Variants in UGT2A1 observed in about 807,000 individuals in gnomAD.
UGT2A1 encodes the protein UDP glucuronosyltransferase family 2 member A1 complex locus.
A neutral mutation model predicts 45.4 loss-of-function variants in UGT2A1; 61 were observed. That is an observed-to-expected ratio of 1.34 (90% CI 1.09 to 1.66). The LOEUF (loss-of-function observed/expected upper bound fraction) is 1.66, where lower values mean the gene tolerates loss of function less well. Among genes scored for constraint, UGT2A1 ranks in the 40% most tolerant of loss-of-function variants. UGT2A1 has a pLI of 0.00. For synonymous variants in UGT2A1, 229 were observed against 196.2 expected (o/e 1.17, Z -1.40); for missense variants, 649 against 574.3 (o/e 1.13, Z -1.33).
At chr4:69,629,818 C>T (rs1161112208) in intron 3 of UGT2A1, among the ~76,000 whole-genome samples, 1 of 152,018 alleles carries the variant, frequency 6.6e-6, no homozygotes, top group African/African-American at 2.4e-5. Flanking sequence ...AACCATGAGC[C>T]TAGCAGCTTC....
intron 3 of UGT2A1, among the ~76,000 whole-genome samples, chr4:69,629,560 G>A (rs969525774): frequency 2.6e-5 from 4 of 152,044 alleles, no homozygotes; most frequent in African/African-American, 9.7e-5. Context: ...AGTCAAACAG[G>A]CTCTAGACAT....
chr4:69,594,829 T>A, intron 5 of UGT2A1, 133 bp from the exon 6 acceptor site: 1 of 1,147,086 alleles, frequency 8.7e-7, no homozygotes, highest in Non-Finnish European at 1.2e-6. Context: ...GCAGATCACA[T>A]AGGGCATTGG....
chr4:69,612,009 C>T (rs964354269), intron 3 of UGT2A1, among the ~76,000 whole-genome samples: 1 of 151,974 alleles, frequency 6.6e-6, no homozygotes, highest in African/African-American at 2.4e-5. Context: ...TATATTCTCT[C>T]AGAATTAACA....
chr4:69,631,843 T>C (rs1721406671), intron 3 of UGT2A1, among the ~76,000 whole-genome samples: 1 of 152,156 alleles, frequency 6.6e-6, no homozygotes, highest in South Asian at 2.1e-4. Flanking sequence ...CAAAGATTGG[T>C]TGAATTCAAT....
At chr4:69,649,941 G>A (rs1019903988) in intron 1 of UGT2A1, among the ~76,000 whole-genome samples, 21 of 152,056 alleles carry the variant, frequency 1.4e-4, no homozygotes, top group African/African-American at 5.1e-4. Flanking sequence ...GGGAGTGGGT[G>A]GAGTTGTGAG....
Position 69,595,174 on chromosome 4 carries a change from T to G in UGT2A1, c.1072A>C (p.Asn358His). The stretch of plus-strand genomic sequence containing the variant: ...CCCACAGTCTTACCAAGAAGATCAT[T>G]CTGGGGTATCCAATCAAAGAGCTGA... ...NTQLFDWIPQNDLLGHPKTKA... is the reference protein window; with the variant it reads ...NTQLFDWIPQHDLLGHPKTKA... The change falls in exon 5 of 7, where the codon AAT becomes CAT. Residue 358 changes from asparagine to histidine, a missense_variant. Coordinates refer to ENST00000286604, the MANE Select transcript of UGT2A1 (RefSeq NM_001252275.3). The G allele has an allele frequency of 1.2e-6, 2 of 1,613,862 alleles. No individual in the cohort carries two copies. Among genetic ancestry groups the G allele is most frequent in the African/African-American group, 1.3e-5 (1 of 75,046 alleles).
At chr4:69,624,036 C>A (rs1560484938) in intron 3 of UGT2A1, among the ~76,000 whole-genome samples, 1 of 151,520 alleles carries the variant, frequency 6.6e-6, no homozygotes, top group Non-Finnish European at 1.5e-5. Flanking sequence ...GTTATTTCCT[C>A]ATTTATTTTC....
At chr4:69,591,664 C>A (rs956978308) in intron 6 of UGT2A1, among the ~76,000 whole-genome samples, 2 of 152,070 alleles carry the variant, frequency 1.3e-5, no homozygotes, top group Admixed American at 1.3e-4. Flanking sequence ...CTTCCTCTGG[C>A]TGAGGAGGAA....
Position 69,588,922 on chromosome 4 carries a change from C to T in UGT2A1, c.*450G>A, listed in dbSNP as rs536699946. 1 of 153,750 alleles carries T rather than the reference C, an allele frequency of 6.5e-6. No individual in the cohort carries two copies. The highest frequency in any genetic ancestry group is 1.9e-4 in the East Asian group (1 of 5,198). The allele number at this position is 153,750 out of a possible 1,614,324, so 9.5% of individuals were successfully genotyped here. On this transcript the variant is annotated 3_prime_UTR_variant, in exon 7 of 7. Coordinates refer to ENST00000286604, the MANE Select transcript of UGT2A1 (RefSeq NM_001252275.3). ...ACCTTTCTCATAACACACTACTCTC[C>T]TACGGTGGCTCCCTGATTTGTTTGG...
rs150141469 is a variant in UGT2A1, at chr4:69,639,829, A to G, written c.716-4007T>C. Among the ~76,000 whole-genome samples the G allele has an allele frequency of 2.6e-3, 394 of 152,164 alleles. 2 individuals are homozygous for G. Among genetic ancestry groups the G allele is most frequent in the African/African-American group, 8.9e-3 (368 of 41,536 alleles). On this transcript the variant is annotated intron_variant, in intron 2 of 6. Coordinates refer to ENST00000286604, the MANE Select transcript of UGT2A1 (RefSeq NM_001252275.3). Reference sequence around the variant, plus strand: ...TCATTATTTCAGTAACAGAAATAAAATCTGGTTCTTTTTAAAGAAAAGGAA... The same window carrying G: ...TCATTATTTCAGTAACAGAAATAAAGTCTGGTTCTTTTTAAAGAAAAGGAA...
chr4:69,597,772 T>C lies in UGT2A1; in HGVS notation c.996+1474A>G, dbSNP rs562842605. On this transcript the variant is annotated intron_variant, in intron 4 of 6. Transcript: ENST00000286604. ...TACACACAAACGTACACATCTATCATACTGATATGGATTTTTCATTTGACA... is the reference window on the plus strand; with the variant it reads ...TACACACAAACGTACACATCTATCACACTGATATGGATTTTTCATTTGACA... 1.9e-4 allele frequency among the ~76,000 whole-genome samples: 29 copies of C among 151,938 alleles called. 1 individual carries two copies. The highest frequency in any genetic ancestry group is 2.8e-4 in the Non-Finnish European group (19 of 67,918).
Position 69,589,556 on chromosome 4 carries a change from C to G in UGT2A1, c.1400G>C (p.Arg467Pro). Residue 467 changes from arginine to proline, a missense_variant, in exon 7 of 7, where the codon CGC becomes CCC. Arg to Pro is a moderately radical substitution (Grantham distance 103, BLOSUM62 -2). Coordinates refer to ENST00000286604, the MANE Select transcript of UGT2A1 (RefSeq NM_001252275.3). The stretch of plus-strand genomic sequence containing the variant: ...CCGAAGGTGCTTGGCTCCTTTGTGG[C>G]GCATGACAAACTCGATCCAGAAGAC... ...RAVFWIEFVM[R>P]HKGAKHLRVA... The G allele has an allele frequency of 6.2e-7, 1 of 1,614,010 alleles. No homozygotes were observed. Among genetic ancestry groups the G allele is most frequent in the Non-Finnish European group, 8.5e-7 (1 of 1,179,968 alleles).
At chr4:69,606,686 C>T (rs1376044838) in intron 3 of UGT2A1, among the ~76,000 whole-genome samples, 1 of 136,270 alleles carries the variant, frequency 7.3e-6, no homozygotes, top group Non-Finnish European at 1.6e-5. Flanking sequence ...TCGTCTCAGC[C>T]CAAAATCTCC....
rs555232468 is a variant in UGT2A1 at position 69,624,377 on chromosome 4, CAG to C, written c.847+11312_847+11313del. On this transcript the variant is annotated intron_variant, in intron 3 of 6. Transcript: ENST00000286604. ...TCTTTATGAGTTTCTTAAGATAGCACAGAGTTTAGTCTTGCTTTTTTTAAAAA... is the reference window on the plus strand; with the variant it reads ...TCTTTATGAGTTTCTTAAGATAGCACAGTTTAGTCTTGCTTTTTTTAAAAA... Among the ~76,000 whole-genome samples, 26 of 151,258 alleles carry C rather than the reference CAG, an allele frequency of 1.7e-4. No individual in the cohort carries two copies. The South Asian group carries it at 5.4e-3, about 32-fold the overall frequency.
chr4:69,650,681 A>T (rs901110362), intron 1 of UGT2A1, among the ~76,000 whole-genome samples: 2 of 152,154 alleles, frequency 1.3e-5, no homozygotes, highest in Non-Finnish European at 2.9e-5. Flanking sequence ...GTATTTATTA[A>T]GCAACAAGTA....
At chr4:69,602,505 A>G (rs914948470) in intron 3 of UGT2A1, among the ~76,000 whole-genome samples, 1 of 131,784 alleles carries the variant, frequency 7.6e-6, no homozygotes, top group South Asian at 2.5e-4. Context: ...CTATCTATCT[A>G]TCTGATATCA....
intron 2 of UGT2A1, among the ~76,000 whole-genome samples, chr4:69,642,493 A>C (rs1334001845): frequency 6.6e-6 from 1 of 151,810 alleles, no homozygotes; most frequent in East Asian, 1.9e-4. Flanking sequence ...ATTCTACAGG[A>C]AAAGATTCCA....
At chr4:69,641,122 C>T (rs1393778742) in intron 2 of UGT2A1, among the ~76,000 whole-genome samples, 1 of 151,738 alleles carries the variant, frequency 6.6e-6, no homozygotes, top group Non-Finnish European at 1.5e-5. Flanking sequence ...AAAAGCTTAT[C>T]AAAATATGCT....
intron 3 of UGT2A1, among the ~76,000 whole-genome samples, chr4:69,602,160 T>C (rs368260450): frequency 7.4e-6 from 1 of 135,484 alleles, no homozygotes; most frequent in African/African-American, 3.0e-5. Flanking sequence ...GAAAAGTAGA[T>C]AAGTTCACCT....
Sources: gnomAD v4.1 joint callset for allele counts (sites outside exome capture counted in the v4.1 genomes callset) on GRCh38, gnomAD v4.1.1 for gene constraint, MANE v1.5 for transcripts, NCBI Gene and HGNC (gene_info 2026-07-23, HGNC 2026-07-21) for gene names.